Variants in PRKN observed in about 807,000 individuals in gnomAD.
PRKN encodes the protein parkin RBR E3 ubiquitin protein ligase, also known as E3 ubiquitin-protein ligase parkin.
A neutral mutation model predicts 59.5 loss-of-function variants in PRKN; 56 were observed. The observed-to-expected ratio is 0.94, with a 90% CI of 0.76 to 1.18. The LOEUF (loss-of-function observed/expected upper bound fraction) is 1.18, where lower values mean the gene tolerates loss of function less well. PRKN is among the 50% of genes most tolerant of loss of function. The pLI, the probability that PRKN is intolerant of heterozygous loss-of-function variation, is 0.00. For missense variants in PRKN, 657 were observed against 596.4 expected (o/e 1.10, Z -1.06); for synonymous variants, 250 against 222.1 (o/e 1.13, Z -1.12).
chr6:162,240,542 TG>T (rs1344555587), intron 3 of PRKN, among the ~76,000 whole-genome samples: 1 of 152,202 alleles, frequency 6.6e-6, no homozygotes, highest in African/African-American at 2.4e-5. Context: ...AAATGAAGCC[TG>T]TGGGAGAAGC....
chr6:162,500,726 G>A (rs964275612), intron 1 of PRKN, among the ~76,000 whole-genome samples: 1 of 152,090 alleles, frequency 6.6e-6, no homozygotes, highest in Non-Finnish European at 1.5e-5. Context: ...TTTTCTTAAT[G>A]AATACACAAT....
Position 161,775,797 on chromosome 6 carries a change from G to A in PRKN, c.871+9975C>T, listed in dbSNP as rs371248297. Among the ~76,000 whole-genome samples the A allele has an allele frequency of 1.2e-3, 189 of 152,232 alleles. 6 individuals are homozygous for A. In the South Asian group the frequency reaches 0.038, roughly 30 times the overall value. ...CAAGTTTCTTGACTCCCTAGGCATC[G>A]AGAATATCTCTGTATCTAAACAGGA... On this transcript the variant is annotated intron_variant, in intron 7 of 11. Transcript: ENST00000366898.
At chr6:162,087,335 G>T (rs1779284018) in intron 4 of PRKN, among the ~76,000 whole-genome samples, 1 of 152,070 alleles carries the variant, frequency 6.6e-6, no homozygotes, top group African/African-American at 2.4e-5. Flanking sequence ...CTAAAAATCA[G>T]TTTTAATAAA....
chr6:161,878,715 C>T (rs2128228927), intron 6 of PRKN, among the ~76,000 whole-genome samples: 1 of 152,300 alleles, frequency 6.6e-6, no homozygotes, highest in African/African-American at 2.4e-5. Context: ...CAAAGCCAGC[C>T]TTGTAGAGAA....
intron 7 of PRKN, 39 bp from the exon 8 acceptor site, chr6:161,569,455 C>G: frequency 6.5e-7 from 1 of 1,534,390 alleles, no homozygotes; most frequent in Non-Finnish European, 9.0e-7. Flanking sequence ...ACGTCACTTT[C>G]ACTCTGTGTG....
At chr6:161,916,565 C>A (rs1778565922) in intron 6 of PRKN, among the ~76,000 whole-genome samples, 1 of 152,284 alleles carries the variant, frequency 6.6e-6, no homozygotes, top group East Asian at 1.9e-4. Context: ...GAGGCTACTG[C>A]AATGGTCTGG....
Position 161,362,777 on chromosome 6 carries a change from G to A in PRKN, c.1168-2572C>T, listed in dbSNP as rs1785026839. On this transcript the variant is annotated intron_variant, in intron 10 of 11. Transcript: ENST00000366898. The surrounding 1 kb of genome is among the most constrained non-coding windows in gnomAD (Gnocchi z 5.2). The stretch of plus-strand genomic sequence containing the variant: ...TTTGTGGAGCACAGCACTTTAAAAA[G>A]CCAAACCTCAAGGAAATTACACAAA... 6.6e-6 allele frequency among the ~76,000 whole-genome samples: 1 copy of A among 152,148 alleles called. No individual in the cohort carries two copies. Among genetic ancestry groups the A allele is most frequent in the African/African-American group, 2.4e-5 (1 of 41,414 alleles).
intron 6 of PRKN, among the ~76,000 whole-genome samples, chr6:161,824,851 T>C (rs889672183): frequency 3.3e-5 from 5 of 152,208 alleles, no homozygotes; most frequent in African/African-American, 1.2e-4. Context: ...TTTCATAATA[T>C]GCCAACACAA....
chr6:161,626,438 T>C (rs1424373874), intron 7 of PRKN, among the ~76,000 whole-genome samples: 1 of 152,170 alleles, frequency 6.6e-6, no homozygotes, highest in Non-Finnish European at 1.5e-5. Flanking sequence ...CCTTCAACCA[T>C]TAAAGAAAAA....
intron 1 of PRKN, among the ~76,000 whole-genome samples, chr6:162,511,082 C>T (rs1195738242): frequency 2.0e-5 from 3 of 152,068 alleles, no homozygotes; most frequent in Admixed American, 2.0e-4. Context: ...CTGTTTTCCA[C>T]TAATATTTTT....
At chr6:162,683,824 A>G (rs1257792357) in intron 1 of PRKN, among the ~76,000 whole-genome samples, 1 of 152,160 alleles carries the variant, frequency 6.6e-6, no homozygotes, top group Admixed American at 6.5e-5. Context: ...TTCTTTTAAA[A>G]ATTTCTGGGA....
At chr6:162,058,419 A>C (rs191559628) in intron 4 of PRKN, among the ~76,000 whole-genome samples, 1 of 152,198 alleles carries the variant, frequency 6.6e-6, no homozygotes, top group Non-Finnish European at 1.5e-5. Flanking sequence ...GGACAAGGTG[A>C]TCTCTGGCCA....
Position 162,476,093 on chromosome 6 carries a change from T to G in PRKN, c.8-32620A>C, listed in dbSNP as rs1344862302. Among the ~76,000 whole-genome samples, 3 of 143,712 alleles carry G rather than the reference T, an allele frequency of 2.1e-5. No individual in the cohort carries two copies. The South Asian group carries it at 6.6e-4, about 32-fold the overall frequency. 94.3% of individuals were successfully genotyped at this position (143,712 alleles called of 152,430 possible). On this transcript the variant is annotated intron_variant, in intron 1 of 11. Transcript: ENST00000366898. ...TTTTTTTGAGACGGAGTTTCACTCT[T>G]GTTTCCCAGGTTGGAGTGCAATGGC...
At chr6:161,705,432 T>C (rs1031989951) in intron 7 of PRKN, among the ~76,000 whole-genome samples, 6 of 152,228 alleles carry the variant, frequency 3.9e-5, no homozygotes, top group African/African-American at 1.2e-4. Flanking sequence ...ACTTGAAGTA[T>C]GGTTTCAACC....
chr6:162,462,119 C>G (rs1218278299), intron 1 of PRKN, among the ~76,000 whole-genome samples: 1 of 152,090 alleles, frequency 6.6e-6, no homozygotes, highest in Non-Finnish European at 1.5e-5. Context: ...CTGGAGCTGT[C>G]CCATGAAACT....
intron 7 of PRKN, among the ~76,000 whole-genome samples, chr6:161,658,034 AGAAAAG>A (rs1784417369): frequency 1.4e-4 from 17 of 122,936 alleles, no homozygotes; most frequent in African/African-American, 3.4e-4. Flanking sequence ...AAAAAAAAAA[AGAAAAG>A]AAAAGAAAAA....
At chr6:162,687,911 GAGAACTCATTGCTCTT>G (rs1777631165) in intron 1 of PRKN, among the ~76,000 whole-genome samples, 1 of 152,124 alleles carries the variant, frequency 6.6e-6, no homozygotes, top group Non-Finnish European at 1.5e-5. Context: ...TTACACAATG[GAGAACTCATTGCTCTT>G]AGAATAAAAA....
At chr6:162,727,356 A>C in intron 1 of PRKN, 7 of 346,230 alleles carry the variant, frequency 2.0e-5, no homozygotes, top group East Asian at 1.4e-4. Flanking sequence ...GGGACCCCAC[A>C]CGGTCCGGGG....
At chr6:162,235,243 G>A (rs2128087754) in intron 3 of PRKN, among the ~76,000 whole-genome samples, 1 of 152,272 alleles carries the variant, frequency 6.6e-6, no homozygotes, top group East Asian at 1.9e-4. Context: ...CTGGGAATCT[G>A]AGTGTGTTTC....
Sources: gnomAD v4.1 joint callset for allele counts (sites outside exome capture counted in the v4.1 genomes callset) on GRCh38, gnomAD v4.1.1 for gene constraint, Gnocchi (gnomAD v3.1) non-coding constraint, MANE v1.5 for transcripts, NCBI Gene and HGNC (gene_info 2026-07-23, HGNC 2026-07-21) for gene names.